WEE1: variants seen among roughly 807,000 people sequenced by gnomAD.
The protein encoded by WEE1 is wee1-like protein kinase.
WEE1 carries 16 observed loss-of-function variants against 68.8 expected under a neutral mutation model. The observed-to-expected ratio is 0.23, with a 90% CI of 0.16 to 0.35. The LOEUF is 0.35. WEE1 is among the 10% of genes least tolerant of loss of function. The pLI is 1.00. For missense variants in WEE1, 651 were observed against 824.1 expected (o/e 0.79, Z 2.57); for synonymous variants, 349 against 318.7 (o/e 1.09, Z -1.01).
chr11:9,589,153 A>G lies in WEE1; in HGVS notation c.*551A>G. On this transcript the variant is annotated 3_prime_UTR_variant, in exon 11 of 11. Coordinates refer to ENST00000450114, the MANE Select transcript of WEE1 (RefSeq NM_003390.4). ...GGTATTGCCTTGTGAATTTGCTGCT[A>G]TTTTAGTTTTGTCTTTGCTGTAAAC... The G allele has an allele frequency of 1.0e-6, 1 of 985,584 alleles. No homozygotes were observed. The highest frequency in any genetic ancestry group is 1.2e-6 in the Non-Finnish European group (1 of 829,878). The allele number at this position is 985,584 out of a possible 1,614,324, so 61.1% of individuals were successfully genotyped here.
At position 9,574,943 on chromosome 11, in the gene WEE1, T is replaced by C. The variant is rs1363693798; in HGVS notation, c.576+434T>C. The C allele has an allele frequency of 1.0e-6, 1 of 985,464 alleles. No homozygotes were observed. Among genetic ancestry groups the C allele is most frequent in the Non-Finnish European group, 1.2e-6 (1 of 830,096 alleles). 61.0% of individuals were successfully genotyped at this position (985,464 alleles called of 1,614,324 possible). ...TTGGGCGGCGCGGGCAGAAGGAGTT[T>C]AAAGAAAAATAATTGTCCCGCCCTG... is the stretch of plus-strand genomic sequence containing the variant. On this transcript the variant is annotated intron_variant, in intron 1 of 10. Transcript: ENST00000450114. The surrounding 1 kb of genome is among the most constrained non-coding windows in gnomAD (Gnocchi z 4.9).
Position 9,588,512 on chromosome 11 carries a change from G to A in WEE1, c.1851G>A (p.Arg617=). The A allele has an allele frequency of 6.2e-7, 1 of 1,612,548 alleles. No homozygotes were observed. The highest frequency in any genetic ancestry group is 1.1e-5 in the South Asian group (1 of 90,792). Residue 617 remains arginine, a synonymous_variant, in exon 11 of 11, where the codon CGG becomes CGA. Transcript: ENST00000450114. ...AGGAAAGAGCACTCTTCACTGACCG[G>A]ATGGCCACTAGGTCCACCACCCAGA... is the stretch of plus-strand genomic sequence containing the variant. ...AAEERALFTD[R]MATRSTTQSN... is the part of the protein sequence containing the mutation.
In WEE1 at chr11:9,574,248, G is replaced by T. The variant is rs1214767209; in HGVS notation, c.315G>T (p.Ala105=). The change falls in exon 1 of 11, where the codon GCG becomes GCT. Residue 105 remains alanine, a synonymous_variant. Coordinates refer to ENST00000450114, the MANE Select transcript of WEE1 (RefSeq NM_003390.4). The surrounding 1 kb of genome is among the most constrained non-coding windows in gnomAD (Gnocchi z 4.9). The part of the protein sequence containing the change: ...LPGACPGADE[A]GGGAEGDSWE... ...GCGCCTGCCCGGGCGCGGACGAGGC[G>T]GGCGGTGGGGCGGAGGGCGACTCGT... The T allele has an allele frequency of 1.7e-6, 2 of 1,203,780 alleles. No homozygotes were observed. Among genetic ancestry groups the T allele is most frequent in the Non-Finnish European group, 1.0e-6 (1 of 968,286 alleles). 74.6% of individuals were successfully genotyped at this position (1,203,780 alleles called of 1,614,324 possible).
Position 9,574,411 on chromosome 11 carries a change from G to T in WEE1, c.478G>T (p.Gly160Cys). 1 of 1,216,448 alleles carries T rather than the reference G, an allele frequency of 8.2e-7. No homozygotes were observed. The allele number at this position is 1,216,448 out of a possible 1,614,324, so 75.4% of individuals were successfully genotyped here. Residue 160 changes from glycine to cysteine, a missense_variant, in exon 1 of 11, where the codon GGC becomes TGC. Physicochemically the swap from Gly to Cys is radical, Grantham distance 159. Around this residue, in one of 5 missense-constraint regions of WEE1, gnomAD observed 395 missense variants for 378.4 expected, o/e 1.04. Transcript: ENST00000450114. This position sits in a 1 kb window ranked among gnomAD's most constrained non-coding sequence, Gnocchi z 4.9. ...GCGGGGTTGCGGGGCGCGCCGGGCG[G>T]GCGAAGGCCGCCGCTCGCCGCGGCC... The part of the protein sequence containing the change: ...SPRGCGARRA[G>C]EGRRSPRPDH...
At position 9,574,623 on chromosome 11, in the gene WEE1, G is replaced by GC; in HGVS notation, c.576+115dup. ...CCGGCCGCTCCCCCCTCGCTTTCCT[G>GC]CGCCGCCCCCCAAAGTTGGCAGCCC... On this transcript the variant is annotated intron_variant, in intron 1 of 10. Coordinates refer to ENST00000450114, the MANE Select transcript of WEE1 (RefSeq NM_003390.4). This position sits in a 1 kb window ranked among gnomAD's most constrained non-coding sequence, Gnocchi z 4.9. 8.9e-7 allele frequency: 1 copy of GC among 1,118,990 alleles called. No homozygotes were observed. The highest frequency in any genetic ancestry group is 1.1e-6 in the Non-Finnish European group (1 of 916,866). 69.3% of individuals were successfully genotyped at this position (1,118,990 alleles called of 1,614,324 possible).
chr11:9,582,963 A>G (rs1044409867), intron 6 of WEE1, among the ~76,000 whole-genome samples: 2 of 152,250 alleles, frequency 1.3e-5, no homozygotes, highest in Non-Finnish European at 2.9e-5. Context: ...TTAGACAAAT[A>G]TAATAGACCC....
At chr11:9,579,922 C>T (rs1163824851) in intron 5 of WEE1, 2 of 151,854 alleles carry the variant, frequency 1.3e-5, no homozygotes, top group African/African-American at 4.9e-5. Context: ...ATTTTAGTAC[C>T]CAGCTCTGAT....
chr11:9,576,392 G>A lies in WEE1; in HGVS notation c.847-95G>A, dbSNP rs1849565745. 1 of 1,551,340 alleles carries A rather than the reference G, an allele frequency of 6.4e-7. No individual in the cohort carries two copies. Among genetic ancestry groups the A allele is most frequent in the Admixed American group, 2.0e-5 (1 of 50,036 alleles). The stretch of plus-strand genomic sequence containing the variant: ...TAAGCATTAACACATAAGGTAGAAT[G>A]GTTTTTAAATTTCACACATAGCCCT... On this transcript the variant is annotated intron_variant, in intron 3 of 10. Coordinates refer to ENST00000450114, the MANE Select transcript of WEE1 (RefSeq NM_003390.4). The surrounding 1 kb of genome is among the most constrained non-coding windows in gnomAD (Gnocchi z 4.3).
At position 9,589,121 on chromosome 11, in the gene WEE1, C is replaced by T. The variant is rs1392097202; in HGVS notation, c.*519C>T. ...TTGCATGAACCATGGGATGATGATT[C>T]TGTGGAGGTATTGCCTTGTGAATTT... On this transcript the variant is annotated 3_prime_UTR_variant, in exon 11 of 11. Transcript: ENST00000450114. The T allele has an allele frequency of 3.0e-6, 3 of 985,530 alleles. No individual in the cohort carries two copies. The highest frequency in any genetic ancestry group is 3.6e-6 in the Non-Finnish European group (3 of 829,906). The allele number at this position is 985,530 out of a possible 1,614,324, so 61.0% of individuals were successfully genotyped here.
intron 1 of WEE1, chr11:9,575,381 T>G (rs1274713869): frequency 7.1e-6 from 7 of 990,754 alleles, no homozygotes; most frequent in Non-Finnish European, 8.4e-6. Context: ...TTAAAGTGAG[T>G]TTGTTTTGTT....
intron 1 of WEE1, 130 bp from the exon 2 acceptor site, chr11:9,575,758 C>A: frequency 1.4e-6 from 1 of 732,466 alleles, no homozygotes; most frequent in Non-Finnish European, 2.2e-6. Context: ...TGCTTGAACT[C>A]TAACAAAGGC....
chr11:9,578,591 T>A (rs1393312383), intron 5 of WEE1: 1 of 152,254 alleles, frequency 6.6e-6, no homozygotes, highest in Non-Finnish European at 1.5e-5. Flanking sequence ...GACCACAATG[T>A]CGTCTCCATT....
At chr11:9,578,002 C>T (rs1849582790) in intron 5 of WEE1, 1 of 413,722 alleles carries the variant, frequency 2.4e-6, no homozygotes, top group Admixed American at 3.2e-5. Context: ...TTATTATATA[C>T]CAAATCTTTT....
At chr11:9,583,738 CGT>C (rs1328228017) in intron 6 of WEE1, among the ~76,000 whole-genome samples, 132 of 112,630 alleles carry the variant, frequency 1.2e-3, no homozygotes, top group Non-Finnish European at 2.2e-3. Flanking sequence ...AATATTTGTG[CGT>C]GTGTGTGCGT....
At chr11:9,577,388 C>T (rs1251909201) in intron 5 of WEE1, 125 bp downstream of exon 5, 2 of 1,255,836 alleles carry the variant, frequency 1.6e-6, no homozygotes, top group African/African-American at 3.0e-5. Flanking sequence ...GATCAGAGAC[C>T]TAACATAAAT....
At position 9,573,941 on chromosome 11, in the gene WEE1, TC is replaced by T; in HGVS notation, c.10del (p.Leu4Ter). The T allele has an allele frequency of 7.8e-7, 1 of 1,285,268 alleles. No individual in the cohort carries two copies. The highest frequency in any genetic ancestry group is 9.8e-7 in the Non-Finnish European group (1 of 1,016,358). The allele number at this position is 1,285,268 out of a possible 1,614,324, so 79.6% of individuals were successfully genotyped here. ...CCCGTCCCCAGGGCCGCGATGAGCT[TC>T]CTGAGCCGACAGCAGCCGCCGCCAC... MS[F>X]LSRQQPPPPR... On this transcript the variant is annotated frameshift_variant, in exon 1 of 11. Transcript: ENST00000450114. LOFTEE classifies it high-confidence loss of function.
At chr11:9,585,851 C>G (rs1849694190) in intron 8 of WEE1, among the ~76,000 whole-genome samples, 1 of 152,024 alleles carries the variant, frequency 6.6e-6, no homozygotes, top group African/African-American at 2.4e-5. Context: ...GGAGTTTTTC[C>G]TATAGAACTA....
In WEE1 at chr11:9,589,182, T is replaced by C. The variant is rs1260415043; in HGVS notation, c.*580T>C. 9.1e-6 allele frequency: 9 copies of C among 985,650 alleles called. No homozygotes were observed. The highest frequency in any genetic ancestry group is 1.1e-5 in the Non-Finnish European group (9 of 829,846). 61.1% of individuals were successfully genotyped at this position (985,650 alleles called of 1,614,324 possible). On this transcript the variant is annotated 3_prime_UTR_variant, in exon 11 of 11. Coordinates refer to ENST00000450114, the MANE Select transcript of WEE1 (RefSeq NM_003390.4). ...TAGTTTTGTCTTTGCTGTAAACTTGTAGCATTAAACAATCATTGTTGTTAA... is the reference window on the plus strand; with the variant it reads ...TAGTTTTGTCTTTGCTGTAAACTTGCAGCATTAAACAATCATTGTTGTTAA...
rs1213387294 is a variant in WEE1, at chr11:9,577,239, C to G, written c.1117C>G (p.Leu373Val). 19 of 1,613,786 alleles carry G rather than the reference C, an allele frequency of 1.2e-5. No individual in the cohort carries two copies. The highest frequency in any genetic ancestry group is 1.6e-5 in the Non-Finnish European group (19 of 1,179,842). Reference sequence around the variant, plus strand: ...TGCGTGGGCAGAAGATGATCATATGCTTATACAGAATGAATATTGTAATGG... The same window carrying G: ...TGCGTGGGCAGAAGATGATCATATGGTTATACAGAATGAATATTGTAATGG... The part of the protein sequence containing the change: ...FSAWAEDDHM[L>V]IQNEYCNGGS... The change falls in exon 5 of 11, where the codon CTT becomes GTT. Residue 373 changes from leucine to valine, a missense_variant. By Grantham distance (32) the Leu-to-Val change is conservative. Around this residue, in one of 5 missense-constraint regions of WEE1, gnomAD observed 41 missense variants for 125.6 expected, o/e 0.33. Coordinates refer to ENST00000450114, the MANE Select transcript of WEE1 (RefSeq NM_003390.4).
Sources: gnomAD v4.1 joint callset for allele counts (sites outside exome capture counted in the v4.1 genomes callset) on GRCh38, gnomAD v4.1.1 for gene constraint, gnomAD v4.1.1 regional missense constraint, Gnocchi (gnomAD v3.1) non-coding constraint, MANE v1.5 for transcripts, NCBI Gene and HGNC (gene_info 2026-07-23, HGNC 2026-07-21) for gene names.